The following HTR1F variants were observed in gnomAD, a reference collection of about 807,000 sequenced individuals.
HTR1F encodes the protein 5-hydroxytryptamine receptor 1F.
Under a neutral mutation model 24.0 loss-of-function variants are expected in HTR1F, and 17 were observed. The observed-to-expected ratio is 0.71, with a 90% CI of 0.48 to 1.06. HTR1F has a LOEUF of 1.06. HTR1F is among the 50% of genes least tolerant of loss of function. The probability of loss-of-function intolerance (pLI) is 0.00; values close to 1 mark genes in which losing one functional copy is unlikely to be tolerated. For synonymous variants in HTR1F, 186 were observed against 156.8 expected, an observed-to-expected ratio of 1.19 and a Z score of -1.39; for missense variants, 391 against 427.8, an observed-to-expected ratio of 0.91 and a Z score of 0.76.
intron 2 of HTR1F, among the ~76,000 whole-genome samples, chr3:87,921,734 C>A (rs914848734): frequency 6.6e-6 from 1 of 151,830 alleles, no homozygotes; most frequent in Non-Finnish European, 1.5e-5. Context: ...CCTCGCTACC[C>A]TTCCCAGGCT....
chr3:87,980,722 C>A (rs1264121736), intron 2 of HTR1F, among the ~76,000 whole-genome samples: 1 of 152,166 alleles, frequency 6.6e-6, no homozygotes, highest in Admixed American at 6.5e-5. Flanking sequence ...CTCAGTCCCC[C>A]CTCGGCCTCT....
intron 2 of HTR1F, among the ~76,000 whole-genome samples, chr3:87,845,554 C>T (rs1219772149): frequency 2.0e-5 from 3 of 150,006 alleles, no homozygotes; most frequent in East Asian, 3.9e-4. Context: ...TCAAGGAGAA[C>T]TACAAACCAC....
intron 2 of HTR1F, among the ~76,000 whole-genome samples, chr3:87,833,485 A>T (rs1704623865): frequency 1.3e-5 from 2 of 151,894 alleles, no homozygotes; most frequent in East Asian, 1.9e-4. Flanking sequence ...AACTCAGTTG[A>T]CCCCATACCG....
chr3:87,828,717 T>C (rs1369371925), intron 2 of HTR1F, among the ~76,000 whole-genome samples: 1 of 152,224 alleles, frequency 6.6e-6, no homozygotes, highest in African/African-American at 2.4e-5. Context: ...ATTTTAGTTT[T>C]ATAATAGCAA....
At chr3:87,979,057 A>AGGGGGGAGGGAGGGAGGG (rs1705473994) in intron 2 of HTR1F, among the ~76,000 whole-genome samples, 1 of 1,362 alleles carries the variant, frequency 7.3e-4, no homozygotes, top group Non-Finnish European at 2.1e-3. Context: ...GGAGGGAGGG[A>AGGGGGGAGGGAGGGAGGG]GGGGGGGGAG....
At chr3:87,959,734 T>C (rs1705020839) in intron 2 of HTR1F, among the ~76,000 whole-genome samples, 1 of 150,768 alleles carries the variant, frequency 6.6e-6, no homozygotes, top group Non-Finnish European at 1.5e-5. Flanking sequence ...AATAATTAAA[T>C]CTACACTGGG....
At chr3:87,937,928 GAAA>G (rs57450022) in intron 2 of HTR1F, among the ~76,000 whole-genome samples, 86 of 114,370 alleles carry the variant, frequency 7.5e-4, no homozygotes, top group Middle Eastern at 5.6e-3. Flanking sequence ...CATCTCAAAA[GAAA>G]AAAAAAAAAA....
chr3:87,968,031 T>G (rs1488462130), intron 2 of HTR1F, among the ~76,000 whole-genome samples: 1 of 152,188 alleles, frequency 6.6e-6, no homozygotes, highest in Non-Finnish European at 1.5e-5. Context: ...ATGCTGATAG[T>G]AATTTAGACA....
At chr3:87,918,209 A>G (rs1703937744) in intron 2 of HTR1F, among the ~76,000 whole-genome samples, 1 of 152,016 alleles carries the variant, frequency 6.6e-6, no homozygotes, top group Non-Finnish European at 1.5e-5. Flanking sequence ...TTGACATACA[A>G]GGGACATACG....
chr3:87,940,812 G>A (rs11917302), intron 2 of HTR1F, among the ~76,000 whole-genome samples: 13,705 of 152,170 alleles, frequency 0.09, 662 homozygotes, highest in African/African-American at 0.12. Context: ...TACGATTTTA[G>A]TTACTTTCCT....
intron 2 of HTR1F, among the ~76,000 whole-genome samples, chr3:87,846,308 C>A (rs1704941110): frequency 6.6e-6 from 1 of 151,780 alleles, no homozygotes; most frequent in Non-Finnish European, 1.5e-5. Context: ...ATGGCAAGCA[C>A]CTGTAATCCC....
At chr3:87,955,253 T>C (rs1704919120) in intron 2 of HTR1F, among the ~76,000 whole-genome samples, 1 of 151,498 alleles carries the variant, frequency 6.6e-6, no homozygotes, top group Non-Finnish European at 1.5e-5. Context: ...CATCTGCTTT[T>C]TCGCACCTAT....
At chr3:87,927,312 C>T (rs17025172) in intron 2 of HTR1F, among the ~76,000 whole-genome samples, 13,666 of 152,096 alleles carry the variant, frequency 0.09, 658 homozygotes, top group African/African-American at 0.12. Flanking sequence ...GTTGATCACA[C>T]GTTGTTTCAT....
At chr3:87,883,756 C>CAA (rs1209275775) in intron 2 of HTR1F, among the ~76,000 whole-genome samples, 1 of 151,792 alleles carries the variant, frequency 6.6e-6, no homozygotes, top group Non-Finnish European at 1.5e-5. Context: ...GATTGAATAT[C>CAA]AAATCAATGA....
At chr3:87,820,312 G>A (rs1164946327) in intron 1 of HTR1F, among the ~76,000 whole-genome samples, 1 of 150,454 alleles carries the variant, frequency 6.6e-6, no homozygotes, top group African/African-American at 2.4e-5. Flanking sequence ...AAGTAGCTGG[G>A]ACTACAGGCG....
chr3:87,961,055 G>C (rs1705049653), intron 2 of HTR1F, among the ~76,000 whole-genome samples: 1 of 151,850 alleles, frequency 6.6e-6, no homozygotes, highest in Non-Finnish European at 1.5e-5. Context: ...AAATAAAGTA[G>C]GGAAAAGCAG....
chr3:87,968,147 G>T (rs1259568379), intron 2 of HTR1F, among the ~76,000 whole-genome samples: 1 of 152,138 alleles, frequency 6.6e-6, no homozygotes, highest in East Asian at 1.9e-4. Flanking sequence ...GTGACATTTT[G>T]CCCCTGCCCT....
intron 1 of HTR1F, among the ~76,000 whole-genome samples, chr3:87,812,996 G>A (rs1362062408): frequency 6.6e-6 from 1 of 152,262 alleles, no homozygotes; most frequent in African/African-American, 2.4e-5. Flanking sequence ...GAAGTCTGCT[G>A]CAGGGGTAGG....
chr3:87,825,598 A>T (rs568999129), intron 2 of HTR1F, among the ~76,000 whole-genome samples: 186 of 152,052 alleles, frequency 1.2e-3, no homozygotes, highest in Non-Finnish European at 2.4e-3. Context: ...CATCATACAA[A>T]ATATTTCTGG....
Sources: gnomAD v4.1 joint callset for allele counts (sites outside exome capture counted in the v4.1 genomes callset) on GRCh38, gnomAD v4.1.1 for gene constraint, MANE v1.5 for transcripts, NCBI Gene and HGNC (gene_info 2026-07-23, HGNC 2026-07-21) for gene names.